Variants in ENPP7 observed in about 807,000 individuals in gnomAD.
ENPP7 encodes the protein ectonucleotide pyrophosphatase/phosphodiesterase family member 7.
Under a neutral mutation model 33.6 loss-of-function variants are expected in ENPP7, and 39 were observed. That is an observed-to-expected ratio of 1.16 (90% CI 0.90 to 1.52). The LOEUF (loss-of-function observed/expected upper bound fraction) is 1.52, where lower values mean the gene tolerates loss of function less well. Among genes scored for constraint, ENPP7 ranks in the 40% most tolerant of loss-of-function variants. ENPP7 has a pLI of 0.00. For missense variants in ENPP7, 594 were observed against 641.0 expected (o/e 0.93, Z 0.79); for synonymous variants, 244 against 274.3 (o/e 0.89, Z 1.09).
chr17:79,733,072 C>T lies in ENPP7; in HGVS notation c.254-436C>T, dbSNP rs540873391. 4.5e-3 allele frequency among the ~76,000 whole-genome samples: 693 copies of T among 152,332 alleles called. 7 individuals are homozygous for T. The highest frequency in any genetic ancestry group is 0.016 in the African/African-American group (674 of 41,582). On this transcript the variant is annotated intron_variant, in intron 1 of 5. Coordinates refer to ENST00000328313, the MANE Select transcript of ENPP7 (RefSeq NM_178543.5). ...ATTCAAAAAATCTCCTGGAGCTCCA[C>T]GTAGTTCACTGAAATTCCTGCCTGG... is the stretch of plus-strand genomic sequence containing the variant.
Position 79,742,044 on chromosome 17 carries a change from C to T in ENPP7, c.*267C>T. On this transcript the variant is annotated 3_prime_UTR_variant, in exon 6 of 6. Transcript: ENST00000328313. Reference sequence around the variant, plus strand: ...TGCCCCTGCTCCTGCTCCTCCCCTTCGGGCCCCCTCCTCCTGCAAAACCCG... The same window carrying T: ...TGCCCCTGCTCCTGCTCCTCCCCTTTGGGCCCCCTCCTCCTGCAAAACCCG... 1.6e-6 allele frequency: 1 copy of T among 640,130 alleles called. No homozygotes were observed. The highest frequency in any genetic ancestry group is 1.3e-4 in the East Asian group (1 of 7,554). 39.7% of individuals were successfully genotyped at this position (640,130 alleles called of 1,614,324 possible). A position where few individuals can be genotyped will look rare whatever the true frequency, so the allele number is the denominator to read the frequency against.
rs1178804778 is a variant in ENPP7, at chr17:79,730,948, C to T, written c.-192C>T. Reference sequence around the variant, plus strand: ...GCTCAAGTTGATGCCACCCCACGCACGTGAGGCTGGGACCAGGGGTGGCAC... The same window carrying T: ...GCTCAAGTTGATGCCACCCCACGCATGTGAGGCTGGGACCAGGGGTGGCAC... On this transcript the variant is annotated 5_prime_UTR_variant, in exon 1 of 6. In the 5' UTR this introduces an upstream ATG that the reference lacks. Coordinates refer to ENST00000328313, the MANE Select transcript of ENPP7 (RefSeq NM_178543.5). 4.9e-6 allele frequency: 3 copies of T among 613,800 alleles called. No homozygotes were observed. Among genetic ancestry groups the T allele is most frequent in the Non-Finnish European group, 5.6e-6 (2 of 354,454 alleles). The allele number at this position is 613,800 out of a possible 1,614,324, so 38.0% of individuals were successfully genotyped here.
intron 1 of ENPP7, among the ~76,000 whole-genome samples, chr17:79,731,681 G>A (rs2094285785): frequency 6.6e-6 from 1 of 152,082 alleles, no homozygotes; most frequent in African/African-American, 2.4e-5. Flanking sequence ...CCCCTCCCCT[G>A]CCCGCCCCTC....
chr17:79,732,522 C>T (rs2094288443), intron 1 of ENPP7, among the ~76,000 whole-genome samples: 1 of 152,148 alleles, frequency 6.6e-6, no homozygotes, highest in Non-Finnish European at 1.5e-5. Flanking sequence ...TGCAGGGCTG[C>T]ACCCACCCGG....
At chr17:79,734,931 A>T (rs1319813564) in intron 2 of ENPP7, 112 bp from the exon 3 acceptor site, 1 of 1,103,660 alleles carries the variant, frequency 9.1e-7, no homozygotes, top group Non-Finnish European at 1.3e-6. Flanking sequence ...AGGAGCAGGG[A>T]TGGGTGGGTG....
At position 79,735,074 on chromosome 17, in the gene ENPP7, G is replaced by T. The variant is rs2094292622; in HGVS notation, c.431G>T (p.Gly144Val). The T allele has an allele frequency of 2.4e-5, 39 of 1,612,884 alleles. No homozygotes were observed. The highest frequency in any genetic ancestry group is 3.2e-5 in the Non-Finnish European group (38 of 1,180,046). The change falls in exon 3 of 6, where the codon GGC becomes GTC. Residue 144 changes from glycine to valine, a missense_variant. Transcript: ENST00000328313. This position sits in a 1 kb window ranked among gnomAD's most constrained non-coding sequence, Gnocchi z 5.5. ...GLRAGSFFYP[G>V]GNVTYQGVAV... ...AGGGCTGGCTCCTTCTTCTACCCGGGCGGGAACGTCACCTACCAAGGGGTG... is the reference window on the plus strand; with the variant it reads ...AGGGCTGGCTCCTTCTTCTACCCGGTCGGGAACGTCACCTACCAAGGGGTG...
chr17:79,735,014 C>A lies in ENPP7; in HGVS notation c.400-29C>A. On this transcript the variant is annotated intron_variant, in intron 2 of 5. Transcript: ENST00000328313. The surrounding 1 kb of genome is among the most constrained non-coding windows in gnomAD (Gnocchi z 5.5). ...GACAAGGGGCAGCCCACTGAGGAGTCCTGTCTTTCACGCTGCCTTGTCTGG... is the reference window on the plus strand; with the variant it reads ...GACAAGGGGCAGCCCACTGAGGAGTACTGTCTTTCACGCTGCCTTGTCTGG... 1 of 1,606,858 alleles carries A rather than the reference C, an allele frequency of 6.2e-7. No homozygotes were observed. The highest frequency in any genetic ancestry group is 1.1e-5 in the South Asian group (1 of 90,464).
chr17:79,735,745 AC>A lies in ENPP7; in HGVS notation c.1026+78del. The A allele has an allele frequency of 7.5e-7, 1 of 1,330,224 alleles. No homozygotes were observed. Among genetic ancestry groups the A allele is most frequent in the Non-Finnish European group, 1.0e-6 (1 of 979,976 alleles). The allele number at this position is 1,330,224 out of a possible 1,614,324, so 82.4% of individuals were successfully genotyped here. A position where few individuals can be genotyped will look rare whatever the true frequency, so the allele number is the denominator to read the frequency against. On this transcript the variant is annotated intron_variant, in intron 3 of 5. Coordinates refer to ENST00000328313, the MANE Select transcript of ENPP7 (RefSeq NM_178543.5). The surrounding 1 kb of genome is among the most constrained non-coding windows in gnomAD (Gnocchi z 5.5). ...TGGGTCTTCTTTTTTTTTTTTTGAG[AC>A]CAGGGTCTTGCTCTGTTGCCCAGGC...
chr17:79,733,482 G>T (rs782806240), intron 1 of ENPP7, 26 bp from the exon 2 acceptor site: 3 of 1,607,744 alleles, frequency 1.9e-6, no homozygotes, highest in East Asian at 4.5e-5. Flanking sequence ...CCATCCCGCC[G>T]CCCTCTGCAC....
Position 79,737,549 on chromosome 17 carries a change from C to T in ENPP7, c.1246+289C>T, listed in dbSNP as rs1200067308. Among the ~76,000 whole-genome samples, 1 of 152,158 alleles carries T rather than the reference C, an allele frequency of 6.6e-6. No homozygotes were observed. Among genetic ancestry groups the T allele is most frequent in the Admixed American group, 6.5e-5 (1 of 15,280 alleles). ...AGGCGGGCCTGCTGTGCAGAGCCCA[C>T]CTCCTGGCTGCTGGATCCCCACTCC... On this transcript the variant is annotated intron_variant, in intron 4 of 5. Transcript: ENST00000328313. The surrounding 1 kb of genome is among the most constrained non-coding windows in gnomAD (Gnocchi z 5.5).
chr17:79,735,617 C>G lies in ENPP7; in HGVS notation c.974C>G (p.Pro325Arg). The G allele has an allele frequency of 6.2e-7, 1 of 1,613,788 alleles. No homozygotes were observed. The highest frequency in any genetic ancestry group is 1.3e-5 in the African/African-American group (1 of 75,052). The change falls in exon 3 of 6, where the codon CCC becomes CGC. Residue 325 changes from proline to arginine, a missense_variant. Pro to Arg is a moderately radical substitution (Grantham distance 103). Coordinates refer to ENST00000328313, the MANE Select transcript of ENPP7 (RefSeq NM_178543.5). This position sits in a 1 kb window ranked among gnomAD's most constrained non-coding sequence, Gnocchi z 5.5. ...FPEAFHYANN[P>R]RVTPLLMYSD... The stretch of plus-strand genomic sequence containing the variant: ...GAGGCCTTCCACTACGCCAACAACC[C>G]CAGGGTCACACCCCTGCTGATGTAC...
rs375161086 is a variant in ENPP7, at chr17:79,737,348, C to T, written c.1246+88C>T. 2.5e-4 allele frequency: 289 copies of T among 1,157,106 alleles called. No individual in the cohort carries two copies. In the African/African-American group the frequency reaches 3.9e-3, roughly 15 times the overall value. 71.7% of individuals were successfully genotyped at this position (1,157,106 alleles called of 1,614,324 possible). A position where few individuals can be genotyped will look rare whatever the true frequency, so the allele number is the denominator to read the frequency against. On this transcript the variant is annotated intron_variant, in intron 4 of 5. Coordinates refer to ENST00000328313, the MANE Select transcript of ENPP7 (RefSeq NM_178543.5). This position sits in a 1 kb window ranked among gnomAD's most constrained non-coding sequence, Gnocchi z 5.5. ...GCCTGCATGCCTGTGACCAGGACAC[C>T]CTTGAGCCCCAAGTGGGGCCACCTC...
Position 79,742,097 on chromosome 17 carries a change from C to A in ENPP7, c.*320C>A. The A allele has an allele frequency of 3.1e-6, 1 of 317,726 alleles. No individual in the cohort carries two copies. The highest frequency in any genetic ancestry group is 4.6e-6 in the Non-Finnish European group (1 of 219,370). The allele number at this position is 317,726 out of a possible 1,614,324, so 19.7% of individuals were successfully genotyped here. A position where few individuals can be genotyped will look rare whatever the true frequency, so the allele number is the denominator to read the frequency against. ...CCCGAAGCGGCGCTGCCGTCTGCAG[C>A]CACGCGGGGGCGCGCGGGAGCTCTG... On this transcript the variant is annotated 3_prime_UTR_variant, in exon 6 of 6. Coordinates refer to ENST00000328313, the MANE Select transcript of ENPP7 (RefSeq NM_178543.5).
At chr17:79,731,629 G>GTTGCACAACCCC (rs1555822529) in intron 1 of ENPP7, among the ~76,000 whole-genome samples, 6 of 152,232 alleles carry the variant, frequency 3.9e-5, no homozygotes, top group Middle Eastern at 3.2e-3. Flanking sequence ...AAGGCTTCAG[G>GTTGCACAACCCC]AGGAGGGGAG....
In ENPP7 at chr17:79,735,107, C is replaced by A; in HGVS notation, c.464C>A (p.Thr155Lys). 1 of 1,612,992 alleles carries A rather than the reference C, an allele frequency of 6.2e-7. No individual in the cohort carries two copies. The highest frequency in any genetic ancestry group is 8.5e-7 in the Non-Finnish European group (1 of 1,180,018). ...GTCACCTACCAAGGGGTGGCTGTGACGCGGAGCCGGAAAGAAGGCATCGCA... is the reference window on the plus strand; with the variant it reads ...GTCACCTACCAAGGGGTGGCTGTGAAGCGGAGCCGGAAAGAAGGCATCGCA... ...GNVTYQGVAV[T>K]RSRKEGIAHN... Residue 155 changes from threonine (T) to lysine (K), a missense_variant, in exon 3 of 6, where the codon ACG becomes AAG. Around this residue, in one of 3 missense-constraint regions of ENPP7, gnomAD observed 504 missense variants for 512.8 expected, o/e 0.98. Transcript: ENST00000328313. This position sits in a 1 kb window ranked among gnomAD's most constrained non-coding sequence, Gnocchi z 5.5.
rs782067992 is a variant in ENPP7 at position 79,737,028 on chromosome 17, C to G, written c.1027-13C>G. ...CCAGCAAGGACCCAGGACCCTTGCCCGCTCCCCGGCAGAGAATTAACGTCC... is the reference window on the plus strand; with the variant it reads ...CCAGCAAGGACCCAGGACCCTTGCCGGCTCCCCGGCAGAGAATTAACGTCC... On this transcript the variant is annotated splice_polypyrimidine_tract_variant and intron_variant, in intron 3 of 5. Coordinates refer to ENST00000328313, the MANE Select transcript of ENPP7 (RefSeq NM_178543.5). This position sits in a 1 kb window ranked among gnomAD's most constrained non-coding sequence, Gnocchi z 5.5. 1.9e-6 allele frequency: 3 copies of G among 1,612,854 alleles called. No individual in the cohort carries two copies. In the African/African-American group the frequency reaches 4.0e-5, roughly 22 times the overall value.
chr17:79,735,724 T>C lies in ENPP7; in HGVS notation c.1026+55T>C, dbSNP rs1598201385. 6.7e-7 allele frequency: 1 copy of C among 1,491,110 alleles called. No homozygotes were observed. The highest frequency in any genetic ancestry group is 8.9e-7 in the Non-Finnish European group (1 of 1,117,642). 92.4% of individuals were successfully genotyped at this position (1,491,110 alleles called of 1,614,324 possible). A position where few individuals can be genotyped will look rare whatever the true frequency, so the allele number is the denominator to read the frequency against. The stretch of plus-strand genomic sequence containing the variant: ...AGGGGCTCCCTCCCCAGGCTCTGGG[T>C]CTTCTTTTTTTTTTTTTGAGACCAG... On this transcript the variant is annotated intron_variant, in intron 3 of 5. Transcript: ENST00000328313. This position sits in a 1 kb window ranked among gnomAD's most constrained non-coding sequence, Gnocchi z 5.5.
chr17:79,734,593 T>C (rs2145791684), intron 2 of ENPP7, among the ~76,000 whole-genome samples: 1 of 151,734 alleles, frequency 6.6e-6, no homozygotes, highest in East Asian at 2.0e-4. Flanking sequence ...TTCTCCTGCC[T>C]CAGCCTCCCA....
chr17:79,738,145 G>A lies in ENPP7; in HGVS notation c.*16+83G>A. 1 of 1,461,972 alleles carries A rather than the reference G, an allele frequency of 6.8e-7. No homozygotes were observed. The highest frequency in any genetic ancestry group is 9.4e-7 in the Non-Finnish European group (1 of 1,069,460). 90.6% of individuals were successfully genotyped at this position (1,461,972 alleles called of 1,614,324 possible). A position where few individuals can be genotyped will look rare whatever the true frequency, so the allele number is the denominator to read the frequency against. Reference sequence around the variant, plus strand: ...CCTGATGTCCCAGCTACAGTCCTAGGCAACCAGAACAGAGCTGCCAGGCCC... The same window carrying A: ...CCTGATGTCCCAGCTACAGTCCTAGACAACCAGAACAGAGCTGCCAGGCCC... On this transcript the variant is annotated intron_variant, in intron 5 of 5. Transcript: ENST00000328313. This position sits in a 1 kb window ranked among gnomAD's most constrained non-coding sequence, Gnocchi z 6.2.
Sources: gnomAD v4.1 joint callset for allele counts (sites outside exome capture counted in the v4.1 genomes callset) on GRCh38, gnomAD v4.1.1 for gene constraint, gnomAD v4.1.1 regional missense constraint, Gnocchi (gnomAD v3.1) non-coding constraint, MANE v1.5 for transcripts, NCBI Gene and HGNC (gene_info 2026-07-23, HGNC 2026-07-21) for gene names.